Variants in NEIL3 observed in about 807,000 individuals in gnomAD.
NEIL3 encodes endonuclease 8-like 3.
Under a neutral mutation model 57.5 loss-of-function variants are expected in NEIL3, and 48 were observed. That is an observed-to-expected ratio of 0.83 (90% CI 0.66 to 1.06). NEIL3 has a LOEUF of 1.06. NEIL3 is among the 50% of genes least tolerant of loss of function. The pLI is 0.00. For synonymous variants in NEIL3, 261 were observed against 253.2 expected (o/e 1.03, Z -0.29); for missense variants, 717 against 739.1 (o/e 0.97, Z 0.35).
the NEIL3 span, among the ~76,000 whole-genome samples, chr4:177,368,296 TA>T: frequency 2.0e-5 from 3 of 152,228 alleles, no homozygotes; most frequent in African/African-American, 7.2e-5. Context: ...TTAGTTCCAT[TA>T]TTTTATTTTT....
chr4:177,320,019 C>G (rs1035641317), intron 1 of NEIL3, among the ~76,000 whole-genome samples: 6 of 152,126 alleles, frequency 3.9e-5, no homozygotes, highest in Admixed American at 6.5e-5. Context: ...TGAAAATGTA[C>G]AACCTAATCT....
At chr4:177,333,973 T>C (rs1734929297) in intron 2 of NEIL3, among the ~76,000 whole-genome samples, 2 of 152,150 alleles carry the variant, frequency 1.3e-5, no homozygotes, top group South Asian at 4.1e-4. Flanking sequence ...ACTTCTATTA[T>C]GCAGAGTGAA....
intron 2 of NEIL3, among the ~76,000 whole-genome samples, chr4:177,328,348 C>T (rs1734820870): frequency 6.6e-6 from 1 of 152,068 alleles, no homozygotes. Context: ...ACCACAGATC[C>T]AAGAAGCTAA....
chr4:177,367,067 A>G (rs1057065523), downstream of NEIL3, among the ~76,000 whole-genome samples: 6 of 152,122 alleles, frequency 3.9e-5, no homozygotes, highest in Admixed American at 3.9e-4. Flanking sequence ...GGGAGCATGT[A>G]TAATTGATTT....
rs761209056 is a variant in NEIL3, at chr4:177,339,832, G to T, written c.677G>T (p.Arg226Leu). The T allele has an allele frequency of 1.2e-6, 2 of 1,613,410 alleles. No individual in the cohort carries two copies. Among genetic ancestry groups the T allele is most frequent in the East Asian group, 4.5e-5 (2 of 44,856 alleles). ...EQIHHLMKMIRDFSILFYRCR... is the reference protein window; with the variant it reads ...EQIHHLMKMILDFSILFYRCR... ...ATCCATCACCTCATGAAAATGATAC[G>T]TGATTTCAGCATTCTCTTTTACAGG... The change falls in exon 5 of 10, where the codon CGT (arginine) becomes CTT (leucine). Residue 226 changes from arginine to leucine, a missense_variant. By Grantham distance (102) the Arg-to-Leu change is moderately radical. Transcript: ENST00000264596.
intron 6 of NEIL3, 117 bp downstream of exon 6, chr4:177,341,759 AG>A: frequency 1.2e-6 from 1 of 858,554 alleles, no homozygotes; most frequent in Middle Eastern, 3.6e-4. Context: ...GTGACTCAAA[AG>A]TATTTTAGTC....
intron 8 of NEIL3, among the ~76,000 whole-genome samples, chr4:177,356,444 AT>A (rs1449181234): frequency 1.3e-5 from 2 of 152,218 alleles, no homozygotes; most frequent in African/African-American, 2.4e-5. Context: ...AAGTGATGAA[AT>A]AAATTCACCC....
intron 8 of NEIL3, 75 bp downstream of exon 8, chr4:177,353,803 T>C (rs1735416289): frequency 7.8e-7 from 1 of 1,288,708 alleles, no homozygotes; most frequent in South Asian, 1.3e-5. Flanking sequence ...TCTCACTCTG[T>C]CACCTAGGCT....
At chr4:177,316,952 T>C (rs908692943) in intron 1 of NEIL3, among the ~76,000 whole-genome samples, 32 of 152,330 alleles carry the variant, frequency 2.1e-4, no homozygotes, top group African/African-American at 7.0e-4. Context: ...GAGGTTTTAC[T>C]AACATTGCAT....
At chr4:177,338,049 C>T (rs1200266920) in intron 4 of NEIL3, among the ~76,000 whole-genome samples, 2 of 151,938 alleles carry the variant, frequency 1.3e-5, no homozygotes, top group Non-Finnish European at 2.9e-5. Context: ...CACACACACA[C>T]ATTTCTGAAA....
chr4:177,361,278 C>T (rs938876560), intron 9 of NEIL3, among the ~76,000 whole-genome samples: 9 of 152,152 alleles, frequency 5.9e-5, no homozygotes, highest in East Asian at 1.9e-4. Context: ...GTCTCACTTC[C>T]GGTATTCCTC....
intron 4 of NEIL3, among the ~76,000 whole-genome samples, chr4:177,338,781 G>C (rs1309689656): frequency 6.6e-6 from 1 of 152,070 alleles, no homozygotes. Context: ...TCTAAAGCTC[G>C]ATAGTGACCT....
At chr4:177,344,928 G>A (rs1335513587) in intron 6 of NEIL3, among the ~76,000 whole-genome samples, 30 of 152,150 alleles carry the variant, frequency 2.0e-4, no homozygotes, top group Admixed American at 2.0e-3. Context: ...TTCCTTTAAA[G>A]AAAACAGAGG....
rs775178553 is a variant in NEIL3, at chr4:177,353,668, C to T, written c.1400C>T (p.Pro467Leu). 2.6e-5 allele frequency: 42 copies of T among 1,613,592 alleles called. No homozygotes were observed. Among genetic ancestry groups the T allele is most frequent in the Non-Finnish European group, 3.1e-5 (37 of 1,179,846 alleles). Reference protein sequence around the residue: ...SKLFSPAHKKPKTAQYSSPEL... With the variant: ...SKLFSPAHKKLKTAQYSSPEL... ...TTATTTAGTCCAGCACATAAAAAACCGAAAACAGCCCAATACTCATCACCA... is the reference window on the plus strand; with the variant it reads ...TTATTTAGTCCAGCACATAAAAAACTGAAAACAGCCCAATACTCATCACCA... The change falls in exon 8 of 10, where the codon CCG becomes CTG. Residue 467 changes from proline (P) to leucine (L), a missense_variant. Transcript: ENST00000264596.
rs774987579 is a variant in NEIL3, at chr4:177,351,430, A to C, written c.920A>C (p.Asp307Ala). The change falls in exon 7 of 10, where the codon GAT (aspartate) becomes GCT (alanine). Residue 307 changes from aspartate to alanine, a missense_variant. Physicochemically the swap from Asp to Ala is moderately radical, Grantham distance 126. Transcript: ENST00000264596. Reference sequence around the variant, plus strand: ...ATCAGTTGGACATCTAGCAGGGTGGATCATGTTATGGACTCCGTGGCTCGG... The same window carrying C: ...ATCAGTTGGACATCTAGCAGGGTGGCTCATGTTATGGACTCCGTGGCTCGG... ...TIISWTSSRVDHVMDSVARKS... is the reference protein window; with the variant it reads ...TIISWTSSRVAHVMDSVARKS... 2.5e-6 allele frequency: 4 copies of C among 1,613,830 alleles called. No individual in the cohort carries two copies. The African/African-American group carries it at 4.0e-5, about 16-fold the overall frequency.
intron 5 of NEIL3, among the ~76,000 whole-genome samples, chr4:177,341,001 CA>C (rs1316751227): frequency 1.3e-5 from 2 of 151,888 alleles, no homozygotes; most frequent in African/African-American, 4.8e-5. Flanking sequence ...TTCAGGTCAA[CA>C]AAGAAAATGC....
At chr4:177,350,958 A>G (rs1194631804) in intron 6 of NEIL3, among the ~76,000 whole-genome samples, 2 of 152,014 alleles carry the variant, frequency 1.3e-5, no homozygotes, top group Non-Finnish European at 2.9e-5. Context: ...CCTTAATCCC[A>G]GCGCTTTGGG....
chr4:177,331,276 T>C (rs1734880324), intron 2 of NEIL3, among the ~76,000 whole-genome samples: 1 of 152,054 alleles, frequency 6.6e-6, no homozygotes, highest in African/African-American at 2.4e-5. Flanking sequence ...TTTCTATTAA[T>C]CTATATTCAG....
At chr4:177,310,948 T>C (rs550597251) in intron 1 of NEIL3, among the ~76,000 whole-genome samples, 1 of 152,208 alleles carries the variant, frequency 6.6e-6, no homozygotes, top group Non-Finnish European at 1.5e-5. Flanking sequence ...TTGAAAGAAA[T>C]GAGGTTCTAA....
Sources: gnomAD v4.1 joint callset for allele counts (sites outside exome capture counted in the v4.1 genomes callset) on GRCh38, gnomAD v4.1.1 for gene constraint, MANE v1.5 for transcripts, NCBI Gene and HGNC (gene_info 2026-07-23, HGNC 2026-07-21) for gene names.